The following CFAP47 variants were observed in gnomAD, a reference collection of about 807,000 sequenced individuals.
The protein encoded by CFAP47 is cilia- and flagella-associated protein 47.
Under a neutral mutation model 148.1 loss-of-function variants are expected in CFAP47, and 29 were observed. That is an observed-to-expected ratio of 0.20 (90% CI 0.15 to 0.27). CFAP47 has a LOEUF of 0.27. CFAP47 is among the 10% of genes least tolerant of loss of function. The probability of loss-of-function intolerance (pLI) is 1.00; values close to 1 mark genes in which losing one functional copy is unlikely to be tolerated. For missense variants in CFAP47, 1,872 were observed against 1,697.5 expected (o/e 1.10, Z -1.81); for synonymous variants, 664 against 577.3 (o/e 1.15, Z -2.15).
intron 3 of CFAP47, 55 bp from the exon 4 acceptor site, chrX:35,948,259 T>A: frequency 9.3e-7 from 1 of 1,071,451 alleles, no homozygotes; most frequent in South Asian, 2.1e-5. Flanking sequence ...ACTGAGAGTG[T>A]ACATGCAACA....
At chrX:36,339,361 T>C (rs1461369029) in intron 57 of CFAP47, among the ~76,000 whole-genome samples, 1 of 111,761 alleles carries the variant, frequency 8.9e-6, no homozygotes, top group Admixed American at 9.5e-5. Flanking sequence ...CAATAAGGTA[T>C]GTTAGTTATA....
At chrX:35,970,703 G>T (rs1936476071) in intron 10 of CFAP47, 65 bp from the exon 11 acceptor site, 1 of 900,405 alleles carries the variant, frequency 1.1e-6, no homozygotes, top group African/African-American at 2.0e-5. Context: ...CTAGGAGGCT[G>T]TCAGTAAATA....
intron 40 of CFAP47, among the ~76,000 whole-genome samples, chrX:36,182,014 G>A (rs1324668764): frequency 8.9e-6 from 1 of 112,151 alleles, no homozygotes; most frequent in Admixed American, 9.5e-5. Context: ...AAGTTACTAT[G>A]GCTCCTTCAT....
chrX:36,359,874 C>T (rs1052772187), intron 60 of CFAP47, among the ~76,000 whole-genome samples: 7 of 111,073 alleles, frequency 6.3e-5, no homozygotes, highest in Non-Finnish European at 1.1e-4. Flanking sequence ...CCTCAGCCTC[C>T]GGAGTAGCTG....
At chrX:36,056,670 C>T (rs1180437713) in intron 26 of CFAP47, among the ~76,000 whole-genome samples, 1 of 112,304 alleles carries the variant, frequency 8.9e-6, no homozygotes, top group Non-Finnish European at 1.9e-5. Flanking sequence ...TTGCCAGATG[C>T]CTTTTCATGT....
At position 35,975,345 on chromosome X, in the gene CFAP47, C is replaced by T; in HGVS notation, c.2453C>T (p.Thr818Ile). ...TYISMVFDSP[T>I]IGKFWKSFTF... ...ATTTCAATGGTATTTGACTCTCCCACCATTGGAAAATTTTGGAAGTAGGGA... is the reference window on the plus strand; with the variant it reads ...ATTTCAATGGTATTTGACTCTCCCATCATTGGAAAATTTTGGAAGTAGGGA... The change falls in exon 14 of 64, where the codon ACC (threonine) becomes ATC (isoleucine). Residue 818 changes from threonine (T) to isoleucine (I), a missense_variant. Thr to Ile is a moderately conservative substitution (Grantham distance 89, BLOSUM62 -1). Coordinates refer to ENST00000378653, the MANE Select transcript of CFAP47 (RefSeq NM_001304548.2). 1 of 1,181,327 alleles carries T rather than the reference C, an allele frequency of 8.5e-7. No individual in the cohort carries two copies. Among genetic ancestry groups the T allele is most frequent in the African/African-American group, 1.8e-5 (1 of 56,743 alleles).
intron 22 of CFAP47, among the ~76,000 whole-genome samples, chrX:36,017,473 C>T (rs1332964315): frequency 6.2e-5 from 7 of 112,120 alleles, no homozygotes; most frequent in Non-Finnish European, 1.1e-4. Context: ...GACCAATGTC[C>T]TGGAAAGTTT....
chrX:36,170,458 C>T (rs1939555410), intron 39 of CFAP47, among the ~76,000 whole-genome samples: 1 of 109,687 alleles, frequency 9.1e-6, no homozygotes, highest in South Asian at 4.0e-4. Context: ...TCCCCCGACC[C>T]CACAACAGTC....
At position 36,174,814 on chromosome X, in the gene CFAP47, A is replaced by G. The variant is rs1193959358; in HGVS notation, c.6027-4531A>G. Among the ~76,000 whole-genome samples, 24 of 109,769 alleles carry G rather than the reference A, an allele frequency of 2.2e-4. No individual in the cohort carries two copies. In the South Asian group the frequency reaches 7.4e-3, roughly 34 times the overall value. The stretch of plus-strand genomic sequence containing the variant: ...TCTTCTCGAGCAGTATCTTTGTGGC[A>G]TTCTCTGTATTTCCTGAATCTGAAT... On this transcript the variant is annotated intron_variant, in intron 39 of 63. Coordinates refer to ENST00000378653, the MANE Select transcript of CFAP47 (RefSeq NM_001304548.2).
intron 57 of CFAP47, among the ~76,000 whole-genome samples, chrX:36,332,155 C>A (rs191047212): frequency 6.2e-3 from 687 of 111,198 alleles, no homozygotes; most frequent in African/African-American, 0.021. Context: ...TGATTACTTC[C>A]AACCTTTATT....
At chrX:36,073,391 C>A (rs773402283) in intron 29 of CFAP47, 27 bp downstream of exon 29, 1 of 990,753 alleles carries the variant, frequency 1.0e-6, no homozygotes, top group Non-Finnish European at 1.4e-6. Flanking sequence ...TCTCTAAATT[C>A]TTTGCTTCAT....
intron 62 of CFAP47, 58 bp from the exon 63 acceptor site, chrX:36,379,292 C>A: frequency 9.5e-7 from 1 of 1,051,910 alleles, no homozygotes; most frequent in Non-Finnish European, 1.3e-6. Context: ...CAAGTTCTCA[C>A]AAAGAGAATG....
intron 2 of CFAP47, among the ~76,000 whole-genome samples, chrX:35,933,747 C>G (rs774630077): frequency 8.9e-6 from 1 of 111,753 alleles, no homozygotes; most frequent in South Asian, 3.7e-4. Context: ...ACTTCCTAAC[C>G]TTTGGATAAA....
intron 2 of CFAP47, among the ~76,000 whole-genome samples, chrX:35,940,828 A>C (rs983180415): frequency 7.2e-5 from 8 of 111,753 alleles, no homozygotes; most frequent in African/African-American, 2.6e-4. Context: ...ATAAGATGAT[A>C]ATGGATTTTT....
intron 51 of CFAP47, among the ~76,000 whole-genome samples, chrX:36,297,287 A>G (rs782513099): frequency 4.5e-5 from 5 of 112,005 alleles, no homozygotes; most frequent in South Asian, 3.7e-4. Flanking sequence ...TGAAACAGCC[A>G]TAGACAAAGC....
At chrX:36,356,603 T>C (rs782129248) in intron 60 of CFAP47, among the ~76,000 whole-genome samples, 32 of 110,894 alleles carry the variant, frequency 2.9e-4, no homozygotes, top group Non-Finnish European at 5.3e-4. Context: ...AGGACAAATC[T>C]TACCAGAAAG....
intron 26 of CFAP47, among the ~76,000 whole-genome samples, chrX:36,049,488 T>TCACACACACACA (rs397895931): frequency 2.2e-5 from 2 of 92,271 alleles, no homozygotes; most frequent in East Asian, 3.9e-4. Flanking sequence ...TTTCTCTCTC[T>TCACACACACACA]CACACACACA....
At chrX:35,947,168 A>C (rs1936095926) in intron 3 of CFAP47, among the ~76,000 whole-genome samples, 1 of 111,562 alleles carries the variant, frequency 9.0e-6, no homozygotes, top group Non-Finnish European at 1.9e-5. Context: ...TAACTGTAGT[A>C]GTTATTGCTA....
intron 48 of CFAP47, among the ~76,000 whole-genome samples, chrX:36,243,671 A>G (rs868930987): frequency 0.15 from 14,053 of 92,783 alleles, 2,384 homozygotes; most frequent in African/African-American, 0.51. Flanking sequence ...ATATATATAT[A>G]TATATATATA....
Sources: gnomAD v4.1 joint callset for allele counts (sites outside exome capture counted in the v4.1 genomes callset) on GRCh38, gnomAD v4.1.1 for gene constraint, MANE v1.5 for transcripts, NCBI Gene and HGNC (gene_info 2026-07-23, HGNC 2026-07-21) for gene names.